The following CAST variants were observed in gnomAD, a reference collection of about 807,000 sequenced individuals.
CAST encodes MIR583 host.
Under a neutral mutation model 119.6 loss-of-function variants are expected in CAST, and 76 were observed. That is an observed-to-expected ratio of 0.64 (90% CI 0.53 to 0.77). The LOEUF (loss-of-function observed/expected upper bound fraction) is 0.77. Among genes scored for constraint, CAST ranks in the 30% least tolerant of loss-of-function variants. CAST has a pLI of 0.00. For synonymous variants in CAST, 319 were observed against 331.6 expected (o/e 0.96, Z 0.41); for missense variants, 953 against 946.5 (o/e 1.01, Z -0.09).
At chr5:96,266,218 T>G in the CAST span, among the ~76,000 whole-genome samples, 7,400 of 152,196 alleles carry the variant, frequency 0.049, 604 homozygotes, top group African/African-American at 0.17. Context: ...ACTTTCATAT[T>G]TGTAATGCCT....
the CAST span, among the ~76,000 whole-genome samples, chr5:96,170,717 G>A: frequency 6.6e-6 from 1 of 152,138 alleles, no homozygotes; most frequent in African/African-American, 2.4e-5. Context: ...CATATTTGAT[G>A]AGAAAGAGCC....
chr5:96,726,690 AG>A, intron 4 of CAST, 103 bp from the exon 5 acceptor site: 1 of 744,054 alleles, frequency 1.3e-6, no homozygotes, highest in Non-Finnish European at 2.2e-6. Context: ...TAGATGCAAT[AG>A]ATGAATAGAA....
At chr5:96,658,475 A>G (rs1230704780), upstream of CAST, among the ~76,000 whole-genome samples, 5 of 152,150 alleles carry the variant, frequency 3.3e-5, no homozygotes, top group African/African-American at 1.2e-4. Context: ...GGCTCATTTT[A>G]TGGTCTACAG....
the CAST span, among the ~76,000 whole-genome samples, chr5:96,218,191 A>G: frequency 1.3e-5 from 2 of 152,298 alleles, no homozygotes; most frequent in Admixed American, 6.5e-5. Flanking sequence ...AACACTGACC[A>G]TGTTTTCCTA....
chr5:96,216,106 C>A, the CAST span, among the ~76,000 whole-genome samples: 1 of 152,104 alleles, frequency 6.6e-6, no homozygotes, highest in Non-Finnish European at 1.5e-5. Flanking sequence ...CTGTACCTGG[C>A]CATGATTTTC....
the CAST span, among the ~76,000 whole-genome samples, chr5:96,426,946 G>C: frequency 6.6e-6 from 1 of 152,126 alleles, no homozygotes; most frequent in Admixed American, 6.5e-5. Context: ...TAGTCACTAT[G>C]ATTTATTTTT....
the CAST span, among the ~76,000 whole-genome samples, chr5:96,017,064 C>A: frequency 1.3e-5 from 2 of 152,078 alleles, no homozygotes. Flanking sequence ...TCTCGATCTC[C>A]TGAACTCATG....
the CAST span, among the ~76,000 whole-genome samples, chr5:96,225,352 A>G: frequency 6.6e-6 from 1 of 152,032 alleles, no homozygotes; most frequent in Non-Finnish European, 1.5e-5. Context: ...AATGATATAT[A>G]CACATTAGCA....
At chr5:96,754,862 C>A in intron 22 of CAST, 121 bp downstream of exon 22, 2 of 644,666 alleles carry the variant, frequency 3.1e-6, no homozygotes, top group East Asian at 2.8e-5. Flanking sequence ...TTTCAAACAC[C>A]AAATAGTATT....
intron 24 of CAST, among the ~76,000 whole-genome samples, chr5:96,760,009 T>C (rs1279176432): frequency 3.3e-5 from 5 of 151,982 alleles, no homozygotes; most frequent in South Asian, 2.1e-4. Flanking sequence ...GAAGAAAATA[T>C]TGCAATGATT....
At chr5:96,265,435 T>G in the CAST span, among the ~76,000 whole-genome samples, 1 of 152,020 alleles carries the variant, frequency 6.6e-6, no homozygotes, top group Non-Finnish European at 1.5e-5. Context: ...CCGAGAGCCA[T>G]GGGGTAGAGG....
chr5:96,294,280 A>G, the CAST span, among the ~76,000 whole-genome samples: 1 of 152,166 alleles, frequency 6.6e-6, no homozygotes, highest in Non-Finnish European at 1.5e-5. Context: ...TAGAGTCACA[A>G]TGGTTTGAAG....
intron 1 of CAST, chr5:96,663,251 C>G: frequency 1.4e-6 from 1 of 701,488 alleles, no homozygotes; most frequent in Admixed American, 2.0e-5. Flanking sequence ...TCTGGGCGTG[C>G]GGATGAAGCG....
At chr5:96,173,585 G>A in the CAST span, among the ~76,000 whole-genome samples, 1 of 152,116 alleles carries the variant, frequency 6.6e-6, no homozygotes, top group Admixed American at 6.5e-5. Context: ...GTATCTAAAG[G>A]ATTGGTAACT....
the CAST span, among the ~76,000 whole-genome samples, chr5:96,009,416 C>T: frequency 6.6e-6 from 1 of 152,174 alleles, no homozygotes; most frequent in Non-Finnish European, 1.5e-5. Context: ...AATTTACATT[C>T]CCACCAACAG....
the CAST span, among the ~76,000 whole-genome samples, chr5:96,409,471 T>A: frequency 1.3e-5 from 2 of 152,122 alleles, no homozygotes; most frequent in African/African-American, 4.8e-5. Context: ...AAGAAAAAGG[T>A]TATGTTACTG....
At chr5:96,355,984 A>G in the CAST span, among the ~76,000 whole-genome samples, 1 of 152,200 alleles carries the variant, frequency 6.6e-6, no homozygotes, top group East Asian at 1.9e-4. Flanking sequence ...ACAGGCATGA[A>G]CCACTGCACC....
chr5:96,123,241 T>C, the CAST span, among the ~76,000 whole-genome samples: 21 of 152,292 alleles, frequency 1.4e-4, no homozygotes, highest in African/African-American at 5.1e-4. Context: ...AACACTCATA[T>C]CCATTATTTT....
At chr5:96,281,993 C>T in the CAST span, among the ~76,000 whole-genome samples, 1 of 152,178 alleles carries the variant, frequency 6.6e-6, no homozygotes, top group South Asian at 2.1e-4. Context: ...CTCCTGGCAA[C>T]GCTCTTATAG....
Sources: gnomAD v4.1 joint callset for allele counts (sites outside exome capture counted in the v4.1 genomes callset) on GRCh38, gnomAD v4.1.1 for gene constraint, MANE v1.5 for transcripts, NCBI Gene and HGNC (gene_info 2026-07-23, HGNC 2026-07-21) for gene names.